The following CDC42EP3 variants were observed in gnomAD, a reference collection of about 807,000 sequenced individuals.
CDC42EP3 encodes CDC42 effector protein (Rho GTPase binding) 3.
Under a neutral mutation model 15.5 loss-of-function variants are expected in CDC42EP3, and 4 were observed. That is an observed-to-expected ratio of 0.26 (90% CI 0.13 to 0.59). The LOEUF (loss-of-function observed/expected upper bound fraction) is 0.59. CDC42EP3 is among the 20% of genes least tolerant of loss of function. CDC42EP3 has a pLI of 0.89. For missense variants in CDC42EP3, 309 were observed against 311.2 expected (o/e 0.99, Z 0.05); for synonymous variants, 145 against 130.3 (o/e 1.11, Z -0.77).
In CDC42EP3 at chr2:37,644,615, T is replaced by G. The variant is rs1415135777; in HGVS notation, c.*1208A>C. 1 of 140,016 alleles carries G rather than the reference T, an allele frequency of 7.1e-6. No homozygotes were observed. The highest frequency in any genetic ancestry group is 1.5e-5 in the Non-Finnish European group (1 of 66,434). 8.7% of individuals were successfully genotyped at this position (140,016 alleles called of 1,614,324 possible). ...ATGACCACTGAGAGGGTGGCATCAG[T>G]GCTGACTTAAAAAAAAAAAAAAAAA... On this transcript the variant is annotated 3_prime_UTR_variant, in exon 2 of 2. Coordinates refer to ENST00000295324, the MANE Select transcript of CDC42EP3 (RefSeq NM_006449.5).
chr2:37,662,061 G>C (rs1666071613), intron 1 of CDC42EP3, among the ~76,000 whole-genome samples: 1 of 151,590 alleles, frequency 6.6e-6, no homozygotes, highest in South Asian at 2.1e-4. Flanking sequence ...GAAACATCTA[G>C]CGTCTAGGAA....
chr2:37,654,186 C>T (rs1475067745), intron 1 of CDC42EP3, among the ~76,000 whole-genome samples: 1 of 152,100 alleles, frequency 6.6e-6, no homozygotes, highest in African/African-American at 2.4e-5. Flanking sequence ...TGCTGCCAAC[C>T]AGAAGATAAT....
chr2:37,668,182 T>A (rs1301108556), intron 1 of CDC42EP3, among the ~76,000 whole-genome samples: 2 of 152,188 alleles, frequency 1.3e-5, no homozygotes, highest in Non-Finnish European at 2.9e-5. Context: ...TTCACCTATT[T>A]TCAGACCATG....
At chr2:37,663,342 G>A (rs914773032) in intron 1 of CDC42EP3, among the ~76,000 whole-genome samples, 2 of 152,234 alleles carry the variant, frequency 1.3e-5, no homozygotes, top group Admixed American at 6.5e-5. Flanking sequence ...CCACTGTGGA[G>A]AGACTGACGC....
intron 1 of CDC42EP3, among the ~76,000 whole-genome samples, chr2:37,656,478 C>T (rs1204016491): frequency 6.6e-6 from 1 of 152,220 alleles, no homozygotes; most frequent in African/African-American, 2.4e-5. Flanking sequence ...TCTACAGAGG[C>T]TCTCTGGAAA....
At position 37,645,905 on chromosome 2, in the gene CDC42EP3, G is replaced by A; in HGVS notation, c.683C>T (p.Thr228Ile). Residue 228 changes from threonine to isoleucine, a missense_variant, in exon 2 of 2, where the codon ACA (threonine) becomes ATA (isoleucine). Thr to Ile is a moderately conservative substitution (Grantham distance 89, BLOSUM62 -1). Transcript: ENST00000295324. ...TKSEESLSDL[T>I]GSLLSLQLDL... ...AAGCTGCAGGGAGAGGAGGGAACCTGTAAGGTCAGAGAGGGACTCCTCTGA... is the reference window on the plus strand; with the variant it reads ...AAGCTGCAGGGAGAGGAGGGAACCTATAAGGTCAGAGAGGGACTCCTCTGA... 6.2e-7 allele frequency: 1 copy of A among 1,610,704 alleles called. No homozygotes were observed.
At chr2:37,658,644 C>T (rs1388995510) in intron 1 of CDC42EP3, among the ~76,000 whole-genome samples, 2 of 152,164 alleles carry the variant, frequency 1.3e-5, no homozygotes, top group Non-Finnish European at 2.9e-5. Context: ...TGGTAAATGG[C>T]AGAAGTCACT....
intron 1 of CDC42EP3, among the ~76,000 whole-genome samples, chr2:37,666,020 A>T (rs1339402596): frequency 6.6e-6 from 1 of 152,044 alleles, no homozygotes; most frequent in Non-Finnish European, 1.5e-5. Flanking sequence ...ACACACAGAC[A>T]CCCCTTTTGA....
At chr2:37,668,945 T>C (rs1354004714) in intron 1 of CDC42EP3, among the ~76,000 whole-genome samples, 3 of 152,180 alleles carry the variant, frequency 2.0e-5, no homozygotes, top group Admixed American at 6.5e-5. Flanking sequence ...GAATCCAGTA[T>C]TTTCAAATGG....
At chr2:37,655,199 A>C (rs1665809949) in intron 1 of CDC42EP3, among the ~76,000 whole-genome samples, 1 of 152,262 alleles carries the variant, frequency 6.6e-6, no homozygotes, top group South Asian at 2.1e-4. Flanking sequence ...AAATGAACTT[A>C]GCCAGAACGA....
At chr2:37,651,134 A>G (rs949972557) in intron 1 of CDC42EP3, among the ~76,000 whole-genome samples, 8 of 151,694 alleles carry the variant, frequency 5.3e-5, no homozygotes, top group African/African-American at 1.5e-4. Context: ...TCATCAAAGG[A>G]AAAAAAAAGA....
intron 1 of CDC42EP3, among the ~76,000 whole-genome samples, chr2:37,664,640 G>A (rs1159892938): frequency 6.6e-6 from 1 of 152,158 alleles, no homozygotes; most frequent in South Asian, 2.1e-4. Context: ...TATAGCAAGG[G>A]CTATACTGCC....
At chr2:37,651,942 G>A (rs891668812) in intron 1 of CDC42EP3, among the ~76,000 whole-genome samples, 1 of 151,992 alleles carries the variant, frequency 6.6e-6, no homozygotes, top group African/African-American at 2.4e-5. Context: ...TTGGGAGGCC[G>A]AGGCGGGCAG....
chr2:37,654,277 C>T (rs754608098), intron 1 of CDC42EP3, among the ~76,000 whole-genome samples: 3 of 152,010 alleles, frequency 2.0e-5, no homozygotes, highest in Non-Finnish European at 4.4e-5. Context: ...AACATGTCCC[C>T]GCATGTTCAG....
chr2:37,660,242 T>C (rs577825287), intron 1 of CDC42EP3, among the ~76,000 whole-genome samples: 10 of 152,314 alleles, frequency 6.6e-5, no homozygotes, highest in African/African-American at 2.2e-4. Flanking sequence ...ATTAATAAAA[T>C]TGTTGCAGAT....
chr2:37,663,315 C>A (rs1463468079), intron 1 of CDC42EP3, among the ~76,000 whole-genome samples: 1 of 152,152 alleles, frequency 6.6e-6, no homozygotes, highest in Non-Finnish European at 1.5e-5. Context: ...AAGTTGAGGC[C>A]GCAGCAATGA....
intron 1 of CDC42EP3, among the ~76,000 whole-genome samples, chr2:37,664,728 G>C (rs117985567): frequency 4.6e-5 from 7 of 152,162 alleles, no homozygotes; most frequent in Non-Finnish European, 1.0e-4. Context: ...TTGAGGAGCC[G>C]GTAGTCTAAT....
Position 37,646,330 on chromosome 2 carries a change from C to G in CDC42EP3, c.258G>C (p.Arg86=), listed in dbSNP as rs1348010984. ...GQFPGHNEFF[R]ANSTSDSVFT... Reference sequence around the variant, plus strand: ...ACACAGAGTCCGAGGTGCTGTTGGCCCGGAAGAACTCATTATGCCCAGGGA... The same window carrying G: ...ACACAGAGTCCGAGGTGCTGTTGGCGCGGAAGAACTCATTATGCCCAGGGA... Residue 86 remains arginine (R), a synonymous_variant, in exon 2 of 2, where the codon CGG becomes CGC. Transcript: ENST00000295324. The G allele has an allele frequency of 1.2e-6, 2 of 1,613,900 alleles. No individual in the cohort carries two copies. Among genetic ancestry groups the G allele is most frequent in the Admixed American group, 3.3e-5 (2 of 59,996 alleles).
chr2:37,657,034 G>A (rs1483471626), intron 1 of CDC42EP3, among the ~76,000 whole-genome samples: 2 of 119,722 alleles, frequency 1.7e-5, no homozygotes, highest in East Asian at 4.8e-4. Flanking sequence ...CAAACATCCT[G>A]TTCTTAGAAA....
Sources: gnomAD v4.1 joint callset for allele counts (sites outside exome capture counted in the v4.1 genomes callset) on GRCh38, gnomAD v4.1.1 for gene constraint, MANE v1.5 for transcripts, NCBI Gene and HGNC (gene_info 2026-07-23, HGNC 2026-07-21) for gene names.